Variants in KDM3A observed in about 807,000 individuals in gnomAD.
KDM3A encodes the protein lysine demethylase 3A, also known as lysine-specific demethylase 3A.
Under a neutral mutation model 158.0 loss-of-function variants are expected in KDM3A, and 60 were observed. The ratio of observed to expected loss-of-function variants is 0.38; its 90% CI spans 0.31 to 0.47. The LOEUF is 0.47. Among genes scored for constraint, KDM3A ranks in the 20% least tolerant of loss-of-function variants. KDM3A has a pLI of 0.99. For missense variants in KDM3A, 1,319 were observed against 1,574.3 expected, an observed-to-expected ratio of 0.84 and a Z score of 2.74; for synonymous variants, 608 against 549.3, an observed-to-expected ratio of 1.11 and a Z score of -1.49.
chr2:86,455,471 G>C (rs549891539), intron 5 of KDM3A, among the ~76,000 whole-genome samples: 1 of 151,642 alleles, frequency 6.6e-6, no homozygotes, highest in South Asian at 2.1e-4. Context: ...ATGTTGGCCA[G>C]GCTGGTGTCA....
Position 86,477,939 on chromosome 2 carries a change from A to G in KDM3A, c.2002A>G (p.Thr668Ala). The G allele has an allele frequency of 6.2e-7, 1 of 1,614,140 alleles. No homozygotes were observed. The highest frequency in any genetic ancestry group is 8.5e-7 in the Non-Finnish European group (1 of 1,180,006). ...VREMCDVCDT[T>A]IFNLHWVCPR... ...AGAAATGTGTGATGTGTGCGACACC[A>G]CCATCTTCAACCTGCACTGGGTGTG... Residue 668 changes from threonine (T) to alanine (A), a missense_variant, in exon 13 of 26, where the codon ACC becomes GCC. Thr to Ala is a moderately conservative substitution (Grantham distance 58). Around this residue, in one of 4 missense-constraint regions of KDM3A, gnomAD observed 113 missense variants for 190.5 expected, o/e 0.59. Transcript: ENST00000312912.
chr2:86,440,305 C>T (rs1433931820), upstream of KDM3A, among the ~76,000 whole-genome samples: 3 of 152,146 alleles, frequency 2.0e-5, no homozygotes, highest in Admixed American at 6.5e-5. Context: ...TCTGATTATA[C>T]GTTTCCACGC....
At chr2:86,484,238 A>G (rs1674076745) in intron 19 of KDM3A, 80 bp downstream of exon 19, 1 of 1,218,878 alleles carries the variant, frequency 8.2e-7, no homozygotes, top group African/African-American at 1.5e-5. Context: ...GAGACCCATC[A>G]GTGGCAGCCG....
upstream of KDM3A, among the ~76,000 whole-genome samples, chr2:86,437,483 T>A (rs1219614624): frequency 2.0e-5 from 3 of 152,226 alleles, no homozygotes; most frequent in Non-Finnish European, 4.4e-5. Context: ...CCTCAAAGCA[T>A]GTATTGCATA....
chr2:86,486,835 G>C (rs1674199867), intron 21 of KDM3A: 1 of 152,322 alleles, frequency 6.6e-6, no homozygotes, highest in Non-Finnish European at 1.5e-5. Flanking sequence ...GTTGTGACAG[G>C]GGAGTGTTTT....
chr2:86,458,873 T>A (rs1468710811), intron 8 of KDM3A, among the ~76,000 whole-genome samples: 1 of 152,004 alleles, frequency 6.6e-6, no homozygotes, highest in African/African-American at 2.4e-5. Context: ...AGATGATGGA[T>A]GAGGGAAGGA....
chr2:86,441,189 G>C (rs1208663654), upstream of KDM3A: 1 of 152,494 alleles, frequency 6.6e-6, no homozygotes, highest in Non-Finnish European at 1.5e-5. Context: ...AGGGGAAAGG[G>C]AGGAGGCAGC....
At chr2:86,472,141 G>A (rs1364605576) in intron 11 of KDM3A, among the ~76,000 whole-genome samples, 1 of 141,648 alleles carries the variant, frequency 7.1e-6, no homozygotes, top group Non-Finnish European at 1.5e-5. Flanking sequence ...TCTTTCTTTT[G>A]TTCTTTGTAA....
Position 86,480,263 on chromosome 2 carries a change from A to C in KDM3A, c.2413A>C (p.Lys805Gln). Residue 805 changes from lysine to glutamine, a missense_variant, in exon 16 of 26, where the codon AAG becomes CAG. Physicochemically the swap from Lys to Gln is moderately conservative, Grantham distance 53. Coordinates refer to ENST00000312912, the MANE Select transcript of KDM3A (RefSeq NM_018433.6). ...AGCTGTGGGTGGGGAAGCAGCCTCC[A>C]AGCCAGCCGGCAGCATGAAGCCTGC... ...PAAVGGEAAS[K>Q]PAGSMKPACP... is the part of the protein sequence containing the mutation. The C allele has an allele frequency of 6.2e-7, 1 of 1,613,972 alleles. No homozygotes were observed. The highest frequency in any genetic ancestry group is 8.5e-7 in the Non-Finnish European group (1 of 1,180,038).
rs1010437832 is a variant in KDM3A at position 86,491,776 on chromosome 2, C to T, written c.3886-263C>T. The T allele has an allele frequency of 3.9e-5, 18 of 459,428 alleles. No individual in the cohort carries two copies. In the Admixed American group the frequency reaches 6.7e-4, roughly 17 times the overall value. The allele number at this position is 459,428 out of a possible 1,614,324, so 28.5% of individuals were successfully genotyped here. Reference sequence around the variant, plus strand: ...AAGCTGTACCTTGGAACTTGCCTCTCCCTGTACTCACTGTGAGTAGGTCTA... The same window carrying T: ...AAGCTGTACCTTGGAACTTGCCTCTTCCTGTACTCACTGTGAGTAGGTCTA... On this transcript the variant is annotated intron_variant, in intron 25 of 25. Transcript: ENST00000312912.
upstream of KDM3A, among the ~76,000 whole-genome samples, chr2:86,437,260 G>T (rs1466492724): frequency 6.6e-6 from 1 of 151,800 alleles, no homozygotes; most frequent in East Asian, 1.9e-4. Flanking sequence ...TGATTCTTCT[G>T]TCTCAGCCTC....
chr2:86,481,803 C>A (rs899511628), intron 16 of KDM3A, 127 bp from the exon 17 acceptor site: 7 of 669,012 alleles, frequency 1.0e-5, no homozygotes, highest in Non-Finnish European at 1.8e-5. Context: ...CATACTTACT[C>A]CCTAAAGTAT....
chr2:86,448,361 C>A (rs1683038777), intron 2 of KDM3A, among the ~76,000 whole-genome samples: 1 of 152,128 alleles, frequency 6.6e-6, no homozygotes, highest in African/African-American at 2.4e-5. Flanking sequence ...GAACCCAATG[C>A]AGAGGGAAAT....
In KDM3A at chr2:86,456,957, A is replaced by G. The variant is rs751973566; in HGVS notation, c.755-26A>G. 46 of 1,580,204 alleles carry G rather than the reference A, an allele frequency of 2.9e-5. No individual in the cohort carries two copies. The Admixed American group carries it at 6.2e-4, about 21-fold the overall frequency. Reference sequence around the variant, plus strand: ...CACATTAAGAGAAACAGGGAAGCCAACTTAACCTATTTTTAAATATTTTAG... The same window carrying G: ...CACATTAAGAGAAACAGGGAAGCCAGCTTAACCTATTTTTAAATATTTTAG... On this transcript the variant is annotated intron_variant, in intron 7 of 25. Transcript: ENST00000312912.
intron 8 of KDM3A, among the ~76,000 whole-genome samples, chr2:86,463,773 C>T (rs1673019813): frequency 6.6e-6 from 1 of 152,204 alleles, no homozygotes; most frequent in African/African-American, 2.4e-5. Flanking sequence ...TAATTGCCAC[C>T]TGACTGTTTT....
chr2:86,486,991 TC>T (rs1201187565), intron 21 of KDM3A: 2 of 152,326 alleles, frequency 1.3e-5, no homozygotes, highest in African/African-American at 4.8e-5. Context: ...TGGTGAGTCC[TC>T]CATGTGCTGT....
Position 86,478,609 on chromosome 2 carries a change from A to G in KDM3A, c.2190A>G (p.Ala730=). ...TGTTTGCCTCTGCCCTTTCTTTAGC[A>G]CTCTATGATGTTGGAGACATTGTTC... is the stretch of plus-strand genomic sequence containing the variant. ...LMPTQIIPGK[A]LYDVGDIVHS... is the part of the protein sequence containing the mutation. The change falls in exon 15 of 26, where the codon GCA becomes GCG. Residue 730 remains alanine, a splice_region_variant and synonymous_variant. Coordinates refer to ENST00000312912, the MANE Select transcript of KDM3A (RefSeq NM_018433.6). The G allele has an allele frequency of 2.5e-6, 4 of 1,613,864 alleles. No individual in the cohort carries two copies. Among genetic ancestry groups the G allele is most frequent in the Non-Finnish European group, 3.4e-6 (4 of 1,179,944 alleles).
chr2:86,441,737 C>A (rs546219576), intron 1 of KDM3A, among the ~76,000 whole-genome samples: 1 of 151,004 alleles, frequency 6.6e-6, no homozygotes, highest in Non-Finnish European at 1.5e-5. Context: ...CAAATCCACT[C>A]GAGCCGCAGA....
intron 12 of KDM3A, among the ~76,000 whole-genome samples, chr2:86,476,259 G>A (rs112601122): frequency 6.6e-6 from 1 of 152,276 alleles, no homozygotes; most frequent in East Asian, 1.9e-4. Context: ...CACTTTTTTG[G>A]AATGTATTAG....
Sources: gnomAD v4.1 joint callset for allele counts (sites outside exome capture counted in the v4.1 genomes callset) on GRCh38, gnomAD v4.1.1 for gene constraint, gnomAD v4.1.1 regional missense constraint, MANE v1.5 for transcripts, NCBI Gene and HGNC (gene_info 2026-07-23, HGNC 2026-07-21) for gene names.